Variants in CEPT1 observed in about 807,000 individuals in gnomAD.
The protein encoded by CEPT1 is choline/ethanolaminephosphotransferase 1.
A neutral mutation model predicts 42.6 loss-of-function variants in CEPT1; 7 were observed. The observed-to-expected ratio is 0.16, with a 90% CI of 0.09 to 0.31. CEPT1 has a LOEUF of 0.31. Among genes scored for constraint, CEPT1 ranks in the 10% least tolerant of loss-of-function variants. CEPT1 has a pLI of 1.00. For synonymous variants in CEPT1, 171 were observed against 171.9 expected, an observed-to-expected ratio of 0.99 and a Z score of 0.04; for missense variants, 306 against 502.1, an observed-to-expected ratio of 0.61 and a Z score of 3.73.
intron 1 of CEPT1, among the ~76,000 whole-genome samples, chr1:111,144,274 G>C (rs1654829598): frequency 6.6e-6 from 1 of 152,192 alleles, no homozygotes; most frequent in South Asian, 2.1e-4. Context: ...ACCTGTGGTA[G>C]TGACTGCAAA....
intron 2 of CEPT1, among the ~76,000 whole-genome samples, chr1:111,156,501 C>T (rs1051371065): frequency 5.9e-5 from 9 of 152,122 alleles, no homozygotes; most frequent in Non-Finnish European, 8.8e-5. Flanking sequence ...CTTTTGGCTT[C>T]CCTGAACCAT....
chr1:111,175,191 A>G (rs1004975761), intron 5 of CEPT1, among the ~76,000 whole-genome samples: 3 of 152,142 alleles, frequency 2.0e-5, no homozygotes, highest in Non-Finnish European at 4.4e-5. Context: ...GAGAATCTGA[A>G]TTAGTATTGT....
chr1:111,167,935 C>G (rs1656218124), intron 4 of CEPT1: 1 of 429,684 alleles, frequency 2.3e-6, no homozygotes, highest in African/African-American at 2.2e-5. Context: ...TTTTGTCACC[C>G]AGGCAGGAAT....
In CEPT1 at chr1:111,167,641, A is replaced by G; in HGVS notation, c.629+6345A>G. On this transcript the variant is annotated intron_variant, in intron 4 of 8. Coordinates refer to ENST00000357172, the MANE Select transcript of CEPT1 (RefSeq NM_006090.5). The stretch of plus-strand genomic sequence containing the variant: ...GTTAACTTCTTTAGCATATACTTTA[A>G]GCAGTCTAGTACTAGTTCTGCTTGA... The G allele has an allele frequency of 4.1e-6, 4 of 979,572 alleles. No individual in the cohort carries two copies. In the South Asian group the frequency reaches 1.4e-4, roughly 35 times the overall value. 60.7% of individuals were successfully genotyped at this position (979,572 alleles called of 1,614,324 possible).
At chr1:111,148,241 G>C (rs908391049) in intron 2 of CEPT1, among the ~76,000 whole-genome samples, 188 bp downstream of exon 2, 14 of 152,122 alleles carry the variant, frequency 9.2e-5, no homozygotes, top group Non-Finnish European at 1.6e-4. Context: ...AGAAGCAAAC[G>C]GTAGACTGTG....
rs763921451 is a variant in CEPT1 at position 111,147,946 on chromosome 1, A to C, written c.232A>C (p.Arg78=). 1 of 1,614,178 alleles carries C rather than the reference A, an allele frequency of 6.2e-7. No homozygotes were observed. Among genetic ancestry groups the C allele is most frequent in the South Asian group, 1.1e-5 (1 of 91,074 alleles). Residue 78 remains arginine (R), a synonymous_variant, in exon 2 of 9, where the codon AGA becomes CGA. Transcript: ENST00000357172. ...MQGYWEWLVR[R]VPSWIAPNLI... ...AGGGTATTGGGAATGGCTCGTTAGAAGAGTTCCCTCCTGGATTGCCCCAAA... is the reference window on the plus strand; with the variant it reads ...AGGGTATTGGGAATGGCTCGTTAGACGAGTTCCCTCCTGGATTGCCCCAAA...
At chr1:111,147,072 T>C (rs1419142750) in intron 1 of CEPT1, among the ~76,000 whole-genome samples, 1 of 152,214 alleles carries the variant, frequency 6.6e-6, no homozygotes, top group Non-Finnish European at 1.5e-5. Context: ...CACTGAGCCT[T>C]AGTTTATTTT....
intron 2 of CEPT1, among the ~76,000 whole-genome samples, chr1:111,157,786 A>G (rs1366503208): frequency 2.0e-5 from 3 of 152,212 alleles, no homozygotes; most frequent in African/African-American, 7.2e-5. Flanking sequence ...AAAGATCCTT[A>G]CCTTTTAATA....
At chr1:111,148,580 A>G (rs1655102338) in intron 2 of CEPT1, among the ~76,000 whole-genome samples, 1 of 152,208 alleles carries the variant, frequency 6.6e-6, no homozygotes, top group Non-Finnish European at 1.5e-5. Context: ...GAAAAAGTCA[A>G]TACAATGTAT....
intron 1 of CEPT1, among the ~76,000 whole-genome samples, chr1:111,145,339 T>C (rs1181837257): frequency 6.6e-6 from 1 of 152,184 alleles, no homozygotes; most frequent in African/African-American, 2.4e-5. Flanking sequence ...GCATCTCAGT[T>C]GGTTAAATTG....
Position 111,183,053 on chromosome 1 carries a change from T to G in CEPT1, c.1005+96T>G, listed in dbSNP as rs1037635799. On this transcript the variant is annotated intron_variant, in intron 7 of 8. Coordinates refer to ENST00000357172, the MANE Select transcript of CEPT1 (RefSeq NM_006090.5). The stretch of plus-strand genomic sequence containing the variant: ...CATTCTGTAGCTTCATAAATGGTCC[T>G]AGAGTTTGCCCTCTTCTAATCAGAA... 4.0e-6 allele frequency: 5 copies of G among 1,258,362 alleles called. No homozygotes were observed. In the Admixed American group the frequency reaches 6.7e-5, roughly 17 times the overall value. 77.9% of individuals were successfully genotyped at this position (1,258,362 alleles called of 1,614,324 possible).
At chr1:111,170,240 C>T (rs1656353688) in intron 4 of CEPT1, among the ~76,000 whole-genome samples, 1 of 152,110 alleles carries the variant, frequency 6.6e-6, no homozygotes, top group Non-Finnish European at 1.5e-5. Context: ...AAGACCTATA[C>T]TCTACTTCTT....
intron 5 of CEPT1, chr1:111,178,419 A>AT (rs1656798122): frequency 6.6e-6 from 1 of 151,528 alleles, no homozygotes; most frequent in South Asian, 2.1e-4. Flanking sequence ...AAAGAGATGA[A>AT]TTTTTACCAA....
intron 2 of CEPT1, among the ~76,000 whole-genome samples, chr1:111,156,580 A>C (rs669758): frequency 0.2 from 31,163 of 152,022 alleles, 3,353 homozygotes; most frequent in Middle Eastern, 0.27. Context: ...GGAAAAAAAA[A>C]TCTTATAATG....
intron 2 of CEPT1, among the ~76,000 whole-genome samples, chr1:111,152,518 T>C (rs1655335780): frequency 6.6e-6 from 1 of 152,192 alleles, no homozygotes; most frequent in Non-Finnish European, 1.5e-5. Flanking sequence ...AAAAGCAACA[T>C]GTGGAACACA....
At chr1:111,140,648 G>T (rs1654430701) in intron 1 of CEPT1, 2 of 152,610 alleles carry the variant, frequency 1.3e-5, no homozygotes, top group South Asian at 4.1e-4. Flanking sequence ...GCGCTGAGCG[G>T]GCCGAGGGCT....
chr1:111,167,801 C>T (rs1656210102), intron 4 of CEPT1: 1 of 883,272 alleles, frequency 1.1e-6, no homozygotes, highest in Non-Finnish European at 1.4e-6. Flanking sequence ...TTACTATAGT[C>T]ATTCTTTGAA....
intron 4 of CEPT1, among the ~76,000 whole-genome samples, chr1:111,163,018 A>T (rs1330609925): frequency 6.6e-6 from 1 of 152,170 alleles, no homozygotes; most frequent in East Asian, 1.9e-4. Flanking sequence ...AAGATACTGA[A>T]TAAAAAGAGG....
intron 1 of CEPT1, among the ~76,000 whole-genome samples, chr1:111,141,665 C>T (rs1300888372): frequency 2.0e-5 from 3 of 152,146 alleles, no homozygotes; most frequent in African/African-American, 7.2e-5. Context: ...TATTTCACTT[C>T]AGCAAAACGC....
Sources: allele counts gnomAD v4.1 joint callset (sites outside exome capture counted in the v4.1 genomes callset), GRCh38; gene constraint gnomAD v4.1.1; transcripts MANE v1.5; gene names NCBI Gene and HGNC (gene_info 2026-07-23, HGNC 2026-07-21).